Variants in MFGE8 observed in about 807,000 individuals in gnomAD.
MFGE8 encodes milk fat globule EGF and factor V/VIII domain containing, also known as lactadherin.
A neutral mutation model predicts 42.6 loss-of-function variants in MFGE8; 34 were observed. That is an observed-to-expected ratio of 0.80 (90% confidence interval 0.61 to 1.06). The LOEUF is 1.06. Among genes scored for constraint, MFGE8 ranks in the 50% least tolerant of loss-of-function variants. The pLI is 0.00. For missense variants in MFGE8, 510 were observed against 516.9 expected (o/e 0.99, Z 0.13); for synonymous variants, 230 against 214.8 (o/e 1.07, Z -0.62).
rs991308637 is a variant in MFGE8, at chr15:88,899,218, G to C, written c.*177C>G. On this transcript the variant is annotated 3_prime_UTR_variant, in exon 8 of 8. Coordinates refer to ENST00000268150, the MANE Select transcript of MFGE8 (RefSeq NM_005928.4). This position sits in a 1 kb window ranked among gnomAD's most constrained non-coding sequence, Gnocchi z 6.8. ...GGACGGGGCTTAGGGGCTGGGGCAG[G>C]GCCCGTGAGAGGTGGAGGGTGGGAA... 4 of 826,784 alleles carry C rather than the reference G, an allele frequency of 4.8e-6. No homozygotes were observed. The highest frequency in any genetic ancestry group is 5.7e-6 in the Non-Finnish European group (3 of 522,438). The allele number at this position is 826,784 out of a possible 1,614,324, so 51.2% of individuals were successfully genotyped here. A position where few individuals can be genotyped will look rare whatever the true frequency, so the allele number is the denominator to read the frequency against.
intron 1 of MFGE8, among the ~76,000 whole-genome samples, chr15:88,911,325 G>A (rs1211906193): frequency 6.6e-6 from 1 of 152,188 alleles, no homozygotes; most frequent in African/African-American, 2.4e-5. Flanking sequence ...GACTCTGGTG[G>A]GTCGGCCGGG....
In MFGE8 at chr15:88,905,289, C is replaced by A. The variant is rs768927432; in HGVS notation, c.685+468G>T. 11 of 363,836 alleles carry A rather than the reference C, an allele frequency of 3.0e-5. No homozygotes were observed. The highest frequency in any genetic ancestry group is 5.4e-5 in the Non-Finnish European group (10 of 185,928). 22.5% of individuals were successfully genotyped at this position (363,836 alleles called of 1,614,324 possible). A position where few individuals can be genotyped will look rare whatever the true frequency, so the allele number is the denominator to read the frequency against. On this transcript the variant is annotated intron_variant, in intron 5 of 7. Transcript: ENST00000268150. The surrounding 1 kb of genome is among the most constrained non-coding windows in gnomAD (Gnocchi z 6.6). ...TACCAGATGTGTACCCTTAATAAAT[C>A]ATTCATCGGGGCCCCACGCCCCTCA...
intron 1 of MFGE8, 31 bp downstream of exon 1, chr15:88,913,216 C>T: frequency 1.3e-6 from 2 of 1,487,500 alleles, no homozygotes; most frequent in African/African-American, 1.4e-5. Context: ...GGAGGAGGGG[C>T]GAGGGGCAGA....
Position 88,906,119 on chromosome 15 carries a change from G to A in MFGE8, c.541-218C>T. Reference sequence around the variant, plus strand: ...TCCTCTCACTTTCCTTAATCATCATGGAGCCTGGGCATAAACCCCTATAGC... The same window carrying A: ...TCCTCTCACTTTCCTTAATCATCATAGAGCCTGGGCATAAACCCCTATAGC... On this transcript the variant is annotated intron_variant, in intron 4 of 7. Transcript: ENST00000268150. This position sits in a 1 kb window ranked among gnomAD's most constrained non-coding sequence, Gnocchi z 4.2. 2 of 612,472 alleles carry A rather than the reference G, an allele frequency of 3.3e-6. No homozygotes were observed. Among genetic ancestry groups the A allele is most frequent in the Non-Finnish European group, 5.8e-6 (2 of 345,276 alleles). 37.9% of individuals were successfully genotyped at this position (612,472 alleles called of 1,614,324 possible).
rs1399961812 is a variant in MFGE8 at position 88,906,773 on chromosome 15, G to A, written c.393C>T (p.Asn131=). 1.2e-6 allele frequency: 2 copies of A among 1,612,838 alleles called. No homozygotes were observed. Among genetic ancestry groups the A allele is most frequent in the African/African-American group, 1.3e-5 (1 of 74,984 alleles). The change falls in exon 4 of 8, where the codon AAC becomes AAT. Residue 131 remains asparagine, a synonymous_variant. Transcript: ENST00000268150. The surrounding 1 kb of genome is among the most constrained non-coding windows in gnomAD (Gnocchi z 4.2). ...CTGTTACCCACATCCTCCGCAGCAG[G>A]TTCACCTGGACACAGGGCAGGGGAG... is the stretch of plus-strand genomic sequence containing the variant. ...SNDDNPWIQV[N]LLRRMWVTGV... is the part of the protein sequence containing the mutation.
chr15:88,904,873 G>C (rs932934481), intron 5 of MFGE8: 1 of 152,738 alleles, frequency 6.5e-6, no homozygotes, highest in Admixed American at 6.5e-5. Flanking sequence ...GGTAAGATAA[G>C]AACCTCCACT....
chr15:88,912,204 G>A (rs1235001698), intron 1 of MFGE8: 2 of 1,289,314 alleles, frequency 1.6e-6, no homozygotes, highest in South Asian at 1.2e-5. Context: ...TGGGACTTCA[G>A]AGTCCTGCTC....
At chr15:88,900,989 T>TCA (rs59880395) in intron 6 of MFGE8, among the ~76,000 whole-genome samples, 1 of 78,480 alleles carries the variant, frequency 1.3e-5, no homozygotes, top group East Asian at 3.1e-4. Context: ...ACACACACAT[T>TCA]CACACACACA....
Position 88,905,040 on chromosome 15 carries a change from G to A in MFGE8, c.685+717C>T, listed in dbSNP as rs1023725033. The A allele has an allele frequency of 2.5e-5, 4 of 163,132 alleles. No homozygotes were observed. Among genetic ancestry groups the A allele is most frequent in the Non-Finnish European group, 5.4e-5 (4 of 74,652 alleles). The allele number at this position is 163,132 out of a possible 1,614,324, so 10.1% of individuals were successfully genotyped here. Reference sequence around the variant, plus strand: ...AGCCCAAACCCGGCACTCTGACCTCGCCCAGGCTGTCCCCTGGCTCTGCAG... The same window carrying A: ...AGCCCAAACCCGGCACTCTGACCTCACCCAGGCTGTCCCCTGGCTCTGCAG... On this transcript the variant is annotated intron_variant, in intron 5 of 7. Coordinates refer to ENST00000268150, the MANE Select transcript of MFGE8 (RefSeq NM_005928.4). This position sits in a 1 kb window ranked among gnomAD's most constrained non-coding sequence, Gnocchi z 6.6.
At position 88,899,957 on chromosome 15, in the gene MFGE8, G is replaced by T. The variant is rs1898283834; in HGVS notation, c.871-146C>A. 2.1e-6 allele frequency: 2 copies of T among 930,344 alleles called. No individual in the cohort carries two copies. Among genetic ancestry groups the T allele is most frequent in the Non-Finnish European group, 1.7e-6 (1 of 591,410 alleles). The allele number at this position is 930,344 out of a possible 1,614,324, so 57.6% of individuals were successfully genotyped here. A position where few individuals can be genotyped will look rare whatever the true frequency, so the allele number is the denominator to read the frequency against. On this transcript the variant is annotated intron_variant, in intron 6 of 7. Transcript: ENST00000268150. The surrounding 1 kb of genome is among the most constrained non-coding windows in gnomAD (Gnocchi z 6.8). Reference sequence around the variant, plus strand: ...TCTTTGGCTATAAAATGGGCATAAGGCCGGACATGGTGTCTCATGCCTATA... The same window carrying T: ...TCTTTGGCTATAAAATGGGCATAAGTCCGGACATGGTGTCTCATGCCTATA...
At chr15:88,907,167 C>T in intron 3 of MFGE8, 28 bp downstream of exon 3, 1 of 1,603,004 alleles carries the variant, frequency 6.2e-7, no homozygotes, top group Non-Finnish European at 8.5e-7. Flanking sequence ...TCTCCATTGC[C>T]CCGCCCCAGG....
chr15:88,913,069 G>A (rs1352150166), intron 1 of MFGE8, 178 bp downstream of exon 1: 1 of 985,364 alleles, frequency 1.0e-6, no homozygotes, highest in African/African-American at 1.7e-5. Flanking sequence ...AGAGACAGCA[G>A]GGCCGCATCC....
Position 88,906,156 on chromosome 15 carries a change from C to G in MFGE8, c.541-255G>C. ...TAAACCCCTATAGCTGACACAGGGC[C>G]ACCTGTAACCTACAGGGTACCTCTT... On this transcript the variant is annotated intron_variant, in intron 4 of 7. Transcript: ENST00000268150. The surrounding 1 kb of genome is among the most constrained non-coding windows in gnomAD (Gnocchi z 4.2). 1.8e-6 allele frequency: 1 copy of G among 562,104 alleles called. No individual in the cohort carries two copies. The highest frequency in any genetic ancestry group is 3.2e-6 in the Non-Finnish European group (1 of 313,252). The allele number at this position is 562,104 out of a possible 1,614,324, so 34.8% of individuals were successfully genotyped here.
chr15:88,905,937 C>T lies in MFGE8; in HGVS notation c.541-36G>A. On this transcript the variant is annotated intron_variant, in intron 4 of 7. Coordinates refer to ENST00000268150, the MANE Select transcript of MFGE8 (RefSeq NM_005928.4). This position sits in a 1 kb window ranked among gnomAD's most constrained non-coding sequence, Gnocchi z 6.6. ...AGGGACAAGACTGGAGAAGGGGGTC[C>T]ATCTGAGCAGTCCCCCTCCCTGGGG... 6.2e-7 allele frequency: 1 copy of T among 1,613,318 alleles called. No individual in the cohort carries two copies.
chr15:88,901,430 G>T (rs765350741), intron 6 of MFGE8, 121 bp downstream of exon 6: 2 of 960,082 alleles, frequency 2.1e-6, no homozygotes, highest in Middle Eastern at 3.3e-4. Flanking sequence ...GAAAAACAAG[G>T]CTTTTCCAGA....
At chr15:88,909,734 G>A in intron 2 of MFGE8, 58 bp downstream of exon 2, 4 of 1,610,348 alleles carry the variant, frequency 2.5e-6, no homozygotes, top group East Asian at 2.2e-5. Flanking sequence ...TATGCCACCA[G>A]GGCTGTGGCT....
chr15:88,906,707 C>T lies in MFGE8; in HGVS notation c.459G>A (p.Glu153=). The T allele has an allele frequency of 6.2e-7, 1 of 1,613,932 alleles. No homozygotes were observed. Among genetic ancestry groups the T allele is most frequent in the Middle Eastern group, 1.7e-4 (1 of 6,008 alleles). ...AGGCCACCTTGAAGGCCTTCAGGTA[C>T]TCATGACTGGCCAAGCGGCTGGCAC... The part of the protein sequence containing the change: ...TQGASRLASH[E]YLKAFKVAYS... Residue 153 remains glutamate (E), a synonymous_variant, in exon 4 of 8, where the codon GAG becomes GAA. Coordinates refer to ENST00000268150, the MANE Select transcript of MFGE8 (RefSeq NM_005928.4). The surrounding 1 kb of genome is among the most constrained non-coding windows in gnomAD (Gnocchi z 4.2).
chr15:88,904,921 T>G (rs1467979481), intron 5 of MFGE8: 3 of 154,352 alleles, frequency 1.9e-5, no homozygotes, highest in African/African-American at 4.8e-5. Context: ...GTTCCACTGA[T>G]GGCCAGCAGG....
At position 88,901,667 on chromosome 15, in the gene MFGE8, A is replaced by G. The variant is rs773291780; in HGVS notation, c.754T>C (p.Tyr252His). Residue 252 changes from tyrosine to histidine, a missense_variant, in exon 6 of 8, where the codon TAC (tyrosine) becomes CAC (histidine). Transcript: ENST00000268150. ...PDKQITASSS[Y>H]KTWGLHLFSW... is the part of the protein sequence containing the mutation. ...AAGAGATGCAAGCCCCAGGTCTTGT[A>G]GCTGCTGGAGGCCGTGATCTGCTTG... 6.2e-7 allele frequency: 1 copy of G among 1,613,904 alleles called. No homozygotes were observed. The highest frequency in any genetic ancestry group is 2.2e-5 in the East Asian group (1 of 44,852).
Sources: gnomAD v4.1 joint callset for allele counts (sites outside exome capture counted in the v4.1 genomes callset) on GRCh38, gnomAD v4.1.1 for gene constraint, Gnocchi (gnomAD v3.1) non-coding constraint, MANE v1.5 for transcripts, NCBI Gene and HGNC (gene_info 2026-07-23, HGNC 2026-07-21) for gene names.